RAPGEF5: variants seen among roughly 807,000 people sequenced by gnomAD.
RAPGEF5 encodes M-Ras-regulated GEF.
RAPGEF5 carries 65 observed loss-of-function variants against 125.2 expected under a neutral mutation model. The observed-to-expected ratio is 0.52, with a 90% CI of 0.43 to 0.64. The LOEUF is 0.64. Ranked by LOEUF, RAPGEF5 falls within the 30% of genes least tolerant of loss-of-function variation. The pLI is 0.00. For synonymous variants in RAPGEF5, 391 were observed against 385.9 expected (o/e 1.01, Z -0.16); for missense variants, 958 against 1,048.1 (o/e 0.91, Z 1.19).
At chr7:22,163,144 CA>C (rs1784060561) in intron 12 of RAPGEF5, among the ~76,000 whole-genome samples, 1 of 1,606 alleles carries the variant, frequency 6.2e-4, no homozygotes, top group Non-Finnish European at 2.1e-3. Flanking sequence ...AAAATTATTT[CA>C]TTTTAAAATA....
intron 1 of RAPGEF5, among the ~76,000 whole-genome samples, chr7:22,329,236 C>G (rs532040302): frequency 2.7e-4 from 41 of 152,286 alleles, no homozygotes; most frequent in African/African-American, 9.4e-4. Context: ...TTCAGCTAAG[C>G]TAGAGTAAAT....
At chr7:22,133,388 C>A (rs148438510) in intron 23 of RAPGEF5, among the ~76,000 whole-genome samples, 1 of 151,878 alleles carries the variant, frequency 6.6e-6, no homozygotes, top group East Asian at 1.9e-4. Flanking sequence ...AGAGGTTGGG[C>A]TGAAAAAAAC....
rs1782593911 is a variant in RAPGEF5 at position 22,121,972 on chromosome 7, C to T, written c.*434G>A. 2 of 161,164 alleles carry T rather than the reference C, an allele frequency of 1.2e-5. No individual in the cohort carries two copies. The highest frequency in any genetic ancestry group is 3.7e-4 in the South Asian group (2 of 5,432). 10.0% of individuals were successfully genotyped at this position (161,164 alleles called of 1,614,324 possible). A position where few individuals can be genotyped will look rare whatever the true frequency, so the allele number is the denominator to read the frequency against. On this transcript the variant is annotated 3_prime_UTR_variant, in exon 26 of 26. Coordinates refer to ENST00000665637, the MANE Select transcript of RAPGEF5 (RefSeq NM_012294.5). ...TGTCATCAGGTGTTCAAAAGAATGA[C>T]TTCTTTGACAGCTTATGGACAGTAA... is the stretch of plus-strand genomic sequence containing the variant.
intron 9 of RAPGEF5, among the ~76,000 whole-genome samples, chr7:22,204,034 A>T (rs532352828): frequency 6.6e-6 from 1 of 152,360 alleles, no homozygotes; most frequent in South Asian, 2.1e-4. Flanking sequence ...AAGTTTCTAC[A>T]TTCTGGTTGC....
intron 2 of RAPGEF5, among the ~76,000 whole-genome samples, chr7:22,316,489 ATTT>A (rs1174593478): frequency 7.9e-5 from 4 of 50,644 alleles, no homozygotes; most frequent in African/African-American, 3.3e-4. Context: ...ATATATATAT[ATTT>A]TTTTTTTTTT....
At chr7:22,224,124 G>A (rs777769566) in intron 8 of RAPGEF5, among the ~76,000 whole-genome samples, 2 of 152,134 alleles carry the variant, frequency 1.3e-5, no homozygotes, top group Non-Finnish European at 2.9e-5. Flanking sequence ...AATAAAGATT[G>A]CCAAGCATTA....
At position 22,308,349 on chromosome 7, in the gene RAPGEF5, T is replaced by G. The variant is rs553248994; in HGVS notation, c.670A>C (p.Ile224Leu). 1 of 1,587,048 alleles carries G rather than the reference T, an allele frequency of 6.3e-7. No individual in the cohort carries two copies. The highest frequency in any genetic ancestry group is 2.3e-5 in the East Asian group (1 of 44,098). The change falls in exon 5 of 26, where the codon ATC (isoleucine) becomes CTC (leucine). Residue 224 changes from isoleucine to leucine, a missense_variant. Ile to Leu is a conservative substitution (Grantham distance 5, BLOSUM62 2). Coordinates refer to ENST00000665637, the MANE Select transcript of RAPGEF5 (RefSeq NM_012294.5). ...LVPLIPARGG[I>L]CELSHQKIED... Reference sequence around the variant, plus strand: ...AGAGCATCTACTTACAGTTCACAGATGCCACCTCTGGCAGGAATGAGAGGC... The same window carrying G: ...AGAGCATCTACTTACAGTTCACAGAGGCCACCTCTGGCAGGAATGAGAGGC...
chr7:22,278,925 T>A (rs1782615614), intron 6 of RAPGEF5, among the ~76,000 whole-genome samples: 1 of 152,044 alleles, frequency 6.6e-6, no homozygotes, highest in Non-Finnish European at 1.5e-5. Context: ...GATAAGCTCT[T>A]GAAGTTCCGT....
chr7:22,315,454 CAAG>C lies in RAPGEF5; in HGVS notation c.302_304del (p.Ser101del). On this transcript the variant is annotated inframe_deletion, in exon 3 of 26. Transcript: ENST00000665637. Reference sequence around the variant, plus strand: ...AATATTCCTCAATGCTCTTCCTGCACAAGAAGAATTCTCTCCATAAATCTAAAT... The same window carrying C: ...AATATTCCTCAATGCTCTTCCTGCACAAGAATTCTCTCCATAAATCTAAAT... 7 of 1,507,634 alleles carry C rather than the reference CAAG, an allele frequency of 4.6e-6. No individual in the cohort carries two copies. Among genetic ancestry groups the C allele is most frequent in the Non-Finnish European group, 6.2e-6 (7 of 1,129,868 alleles). The allele number at this position is 1,507,634 out of a possible 1,614,324, so 93.4% of individuals were successfully genotyped here.
chr7:22,317,242 CTTTT>C (rs67830846), intron 2 of RAPGEF5, among the ~76,000 whole-genome samples: 1 of 134,124 alleles, frequency 7.5e-6, no homozygotes. Flanking sequence ...CTTTTTTTTT[CTTTT>C]TTTTTTTTTT....
chr7:22,134,270 T>C (rs1412422655), intron 23 of RAPGEF5, among the ~76,000 whole-genome samples: 2 of 152,218 alleles, frequency 1.3e-5, no homozygotes, highest in Non-Finnish European at 2.9e-5. Flanking sequence ...GAAGTACTAA[T>C]ACTATATGAT....
In RAPGEF5 at chr7:22,211,962, TC is replaced by T. The variant is rs1329916969; in HGVS notation, c.996+7903del. 4.9e-4 allele frequency among the ~76,000 whole-genome samples: 50 copies of T among 102,774 alleles called. No homozygotes were observed. In the East Asian group the frequency reaches 5.3e-3, roughly 11 times the overall value. 67.4% of individuals were successfully genotyped at this position (102,774 alleles called of 152,430 possible). ...GCCCCTTGTGTTATCACATGTGTTCTCTTTTTTTTTTTTTTTTTTTTTTAGA... is the reference window on the plus strand; with the variant it reads ...GCCCCTTGTGTTATCACATGTGTTCTTTTTTTTTTTTTTTTTTTTTTTAGA... On this transcript the variant is annotated intron_variant, in intron 9 of 25. Coordinates refer to ENST00000665637, the MANE Select transcript of RAPGEF5 (RefSeq NM_012294.5).
intron 20 of RAPGEF5, 54 bp downstream of exon 20, chr7:22,144,990 A>G: frequency 6.4e-7 from 1 of 1,551,772 alleles, no homozygotes; most frequent in Non-Finnish European, 8.8e-7. Context: ...AAGAAGAACA[A>G]TGTACTCTCT....
chr7:22,258,260 G>A (rs1266290936), intron 7 of RAPGEF5, among the ~76,000 whole-genome samples: 1 of 152,218 alleles, frequency 6.6e-6, no homozygotes, highest in Non-Finnish European at 1.5e-5. Flanking sequence ...TTGGAAGGCA[G>A]ACACTACCCA....
At chr7:22,222,988 G>A (rs763512408) in intron 8 of RAPGEF5, among the ~76,000 whole-genome samples, 1 of 152,118 alleles carries the variant, frequency 6.6e-6, no homozygotes, top group Non-Finnish European at 1.5e-5. Flanking sequence ...GGGGAGGCAG[G>A]GGTTGATCTG....
chr7:22,309,937 A>C (rs370212633), intron 4 of RAPGEF5, 32 bp downstream of exon 4: 5 of 1,538,422 alleles, frequency 3.3e-6, no homozygotes, highest in Non-Finnish European at 3.5e-6. Context: ...TAATAAAATA[A>C]TGATGCTGTG....
At chr7:22,259,185 G>A (rs923288859) in intron 7 of RAPGEF5, among the ~76,000 whole-genome samples, 2 of 151,988 alleles carry the variant, frequency 1.3e-5, no homozygotes, top group Non-Finnish European at 2.9e-5. Context: ...ATTAAAAAAT[G>A]AGCAAAAGAC....
At chr7:22,273,691 T>A (rs1174311126) in intron 6 of RAPGEF5, among the ~76,000 whole-genome samples, 1 of 152,226 alleles carries the variant, frequency 6.6e-6, no homozygotes, top group African/African-American at 2.4e-5. Flanking sequence ...GTCTATTAAG[T>A]CTGCTACACA....
Position 22,137,001 on chromosome 7 carries a change from A to G in RAPGEF5, c.2278-18T>C. 2 of 1,546,754 alleles carry G rather than the reference A, an allele frequency of 1.3e-6. No homozygotes were observed. Among genetic ancestry groups the G allele is most frequent in the Non-Finnish European group, 1.8e-6 (2 of 1,134,444 alleles). On this transcript the variant is annotated intron_variant, in intron 21 of 25. Transcript: ENST00000665637. ...GGGATTTTCTAAAAAACAAACACAAACAAAAAACAGAAGGTCACAGAAGTT... is the reference window on the plus strand; with the variant it reads ...GGGATTTTCTAAAAAACAAACACAAGCAAAAAACAGAAGGTCACAGAAGTT...
Sources: allele counts gnomAD v4.1 joint callset (sites outside exome capture counted in the v4.1 genomes callset), GRCh38; gene constraint gnomAD v4.1.1; transcripts MANE v1.5; gene names NCBI Gene and HGNC (gene_info 2026-07-23, HGNC 2026-07-21).